The following TMEM35B variants were observed in gnomAD, a reference collection of about 807,000 sequenced individuals.
The protein encoded by TMEM35B is ZMYM6 neighbor protein.
In TMEM35B, 6 loss-of-function variants were observed where a neutral mutation model predicts 8.7. The ratio of observed to expected loss-of-function variants is 0.69; its 90% CI spans 0.38 to 1.36. The LOEUF is 1.36. Ranked by LOEUF, TMEM35B falls within the 40% of genes most tolerant of loss-of-function variation. TMEM35B has a pLI of 0.02. For missense variants in TMEM35B, 176 were observed against 181.6 expected, an observed-to-expected ratio of 0.97 and a Z score of 0.18; for synonymous variants, 89 against 87.0, an observed-to-expected ratio of 1.02 and a Z score of -0.13.
intron 1 of TMEM35B, 112 bp downstream of exon 1, chr1:34,985,086 A>T: frequency 7.6e-6 from 6 of 787,334 alleles, no homozygotes; most frequent in Non-Finnish European, 1.1e-5. Context: ...CCCCAGCTCC[A>T]GCTGAGCCTC....
intron 2 of TMEM35B, among the ~76,000 whole-genome samples, chr1:34,982,797 A>G (rs11803596): frequency 0.22 from 32,749 of 151,970 alleles, 8,410 homozygotes; most frequent in African/African-American, 0.61. Flanking sequence ...TTAATCCTAC[A>G]TCTACTAAGA....
intron 2 of TMEM35B, among the ~76,000 whole-genome samples, chr1:34,983,472 G>A (rs1231463363): frequency 2.6e-5 from 4 of 151,350 alleles, no homozygotes; most frequent in African/African-American, 4.9e-5. Context: ...CCAGCTACTC[G>A]GGAGGCTGAG....
At chr1:34,982,750 C>T (rs1413070386) in intron 2 of TMEM35B, among the ~76,000 whole-genome samples, 8 of 152,120 alleles carry the variant, frequency 5.3e-5, no homozygotes, top group Admixed American at 5.2e-4. Flanking sequence ...GCTGGGATTA[C>T]AGGCATGAGC....
At chr1:34,985,137 G>A in intron 1 of TMEM35B, 61 bp downstream of exon 1, 2 of 1,335,492 alleles carry the variant, frequency 1.5e-6, no homozygotes, top group South Asian at 1.4e-5. Flanking sequence ...GGCGAGGAGC[G>A]GCAGGGCGGA....
chr1:34,984,254 C>CCAAG (rs1276537576), intron 1 of TMEM35B, among the ~76,000 whole-genome samples: 12 of 152,194 alleles, frequency 7.9e-5, no homozygotes, highest in Admixed American at 7.9e-4. Context: ...CTCCCTAGTG[C>CCAAG]CAAGGCCTGG....
exon 2 of TMEM35B, chr1:34,983,942 G>A: frequency 6.7e-7 from 1 of 1,497,174 alleles, no homozygotes; most frequent in Non-Finnish European, 9.0e-7. Context: ...GCACGAACAG[G>A]GCATTCTAGG....
At chr1:34,982,727 G>A (rs1165959540) in intron 2 of TMEM35B, among the ~76,000 whole-genome samples, 1 of 151,948 alleles carries the variant, frequency 6.6e-6, no homozygotes, top group East Asian at 1.9e-4. Context: ...CGCCCGCCTC[G>A]GCCTCCCAAA....
At chr1:34,982,345 C>T (rs1640516572) in intron 2 of TMEM35B, among the ~76,000 whole-genome samples, 3 of 151,880 alleles carry the variant, frequency 2.0e-5, no homozygotes. Flanking sequence ...GCAGTGGCAA[C>T]AGTTGCCCCT....
chr1:34,985,321 AC>A (rs1640562711), exon 1 of TMEM35B: 2 of 1,512,378 alleles, frequency 1.3e-6, no homozygotes, highest in Non-Finnish European at 1.8e-6. Context: ...CGCTCCCCCC[AC>A]CGTGGGTTGG....
intron 2 of TMEM35B, among the ~76,000 whole-genome samples, 161 bp downstream of exon 2, chr1:34,983,596 AAAAAAAAAAT>A (rs1341194350): frequency 0.014 from 2,128 of 150,148 alleles, 68 homozygotes; most frequent in African/African-American, 0.05. Context: ...AAAAAAAAAA[AAAAAAAAAAT>A]ACCTGTGCTA....
At chr1:34,983,842 C>T in exon 2 of TMEM35B, 1 of 1,546,380 alleles carries the variant, frequency 6.5e-7, no homozygotes, top group African/African-American at 1.4e-5. Context: ...AGCAACCCAG[C>T]CAGCAGTTCC....
In TMEM35B at chr1:34,981,888, GT is replaced by G. The variant is rs1345659086; in HGVS notation, c.*55del. 39 of 1,432,562 alleles carry G rather than the reference GT, an allele frequency of 2.7e-5. 1 individual carries two copies. The African/African-American group carries it at 4.3e-4, about 16-fold the overall frequency. 88.7% of individuals were successfully genotyped at this position (1,432,562 alleles called of 1,614,324 possible). On this transcript the variant is annotated 3_prime_UTR_variant, in exon 3 of 3. Coordinates refer to ENST00000373337, the Ensembl canonical transcript of TMEM35B. Reference sequence around the variant, plus strand: ...TACTGGTAACAAGATGATAGACTCTGTGTTCTACCATGTTCCTGCTGTGACA... The same window carrying G: ...TACTGGTAACAAGATGATAGACTCTGGTTCTACCATGTTCCTGCTGTGACA...
chr1:34,985,176 G>A, intron 1 of TMEM35B, 22 bp downstream of exon 1: 1 of 1,523,838 alleles, frequency 6.6e-7, no homozygotes, highest in Non-Finnish European at 8.8e-7. Context: ...CCGATCCCCT[G>A]CCGCCCGCCC....
intron 1 of TMEM35B, 96 bp downstream of exon 1, chr1:34,985,102 C>T (rs1320759112): frequency 1.0e-6 from 1 of 970,782 alleles, no homozygotes; most frequent in East Asian, 3.3e-5. Context: ...GCCTCGGAAG[C>T]CCGAAGGCGG....
exon 1 of TMEM35B, chr1:34,985,313 CT>C: frequency 6.5e-7 from 1 of 1,527,440 alleles, no homozygotes; most frequent in African/African-American, 1.4e-5. Context: ...CATGGCCGCG[CT>C]CCCCCCACCG....
intron 2 of TMEM35B, among the ~76,000 whole-genome samples, chr1:34,982,624 G>A (rs538832064): frequency 1.4e-4 from 22 of 151,780 alleles, no homozygotes; most frequent in Non-Finnish European, 2.5e-4. Context: ...TTACAGGCGC[G>A]CACCACCACG....
intron 1 of TMEM35B, 100 bp from the exon 2 acceptor site, chr1:34,984,047 G>A: frequency 8.2e-7 from 1 of 1,213,248 alleles, no homozygotes; most frequent in Non-Finnish European, 1.1e-6. Context: ...CAACTTCCCA[G>A]AGAAAAGAAC....
At chr1:34,982,203 CCA>C (rs1640514383) in intron 2 of TMEM35B, 84 bp from the exon 3 acceptor site, 2 of 1,247,904 alleles carry the variant, frequency 1.6e-6, no homozygotes. Context: ...TTAGGCTGAC[CCA>C]CTCCAGCCCA....
chr1:34,984,668 G>A (rs1242428774), intron 1 of TMEM35B, among the ~76,000 whole-genome samples: 1 of 152,152 alleles, frequency 6.6e-6, no homozygotes, highest in Non-Finnish European at 1.5e-5. Flanking sequence ...TCCCTCTCAG[G>A]CTTCCGAGAG....
Sources: allele counts gnomAD v4.1 joint callset (sites outside exome capture counted in the v4.1 genomes callset), GRCh38; gene constraint gnomAD v4.1.1; transcripts MANE v1.5; gene names NCBI Gene and HGNC (gene_info 2026-07-23, HGNC 2026-07-21).